DIAPH2: variants seen among roughly 807,000 people sequenced by gnomAD.
DIAPH2 encodes diaphanous related formin 2, also known as protein diaphanous homolog 2.
A neutral mutation model predicts 92.7 loss-of-function variants in DIAPH2; 35 were observed. The ratio of observed to expected loss-of-function variants is 0.38; its 90% CI spans 0.29 to 0.50. The LOEUF (loss-of-function observed/expected upper bound fraction) is 0.50, where lower values mean the gene tolerates loss of function less well. Among genes scored for constraint, DIAPH2 ranks in the 20% least tolerant of loss-of-function variants. The pLI is 0.94. For synonymous variants in DIAPH2, 301 were observed against 280.4 expected (o/e 1.07, Z -0.73); for missense variants, 701 against 819.5 (o/e 0.86, Z 1.77).
chrX:96,733,886 A>C (rs2064070880), intron 1 of DIAPH2, among the ~76,000 whole-genome samples: 2 of 111,834 alleles, frequency 1.8e-5, no homozygotes, highest in Non-Finnish European at 3.8e-5. Context: ...CCACTAACAA[A>C]TGTTACCCTC....
Position 97,348,285 on chromosome X carries a change from G to C in DIAPH2, c.3009+5G>C. Reference sequence around the variant, plus strand: ...AACTTCCGAACTTTGTTTTTGGTAAGTAATACATCTTAAAGCATTGCAAGA... The same window carrying C: ...AACTTCCGAACTTTGTTTTTGGTAACTAATACATCTTAAAGCATTGCAAGA... On this transcript the variant is annotated splice_donor_5th_base_variant and intron_variant, in intron 24 of 26. Transcript: ENST00000324765. The C allele has an allele frequency of 1.7e-6, 2 of 1,189,809 alleles. No homozygotes were observed. The highest frequency in any genetic ancestry group is 2.3e-6 in the Non-Finnish European group (2 of 884,134).
chrX:96,948,331 T>C (rs994713559), intron 14 of DIAPH2, among the ~76,000 whole-genome samples: 1 of 112,189 alleles, frequency 8.9e-6, no homozygotes, highest in African/African-American at 3.2e-5. Flanking sequence ...CCCAGCACTT[T>C]GGGAGGCCGA....
intron 1 of DIAPH2, among the ~76,000 whole-genome samples, chrX:96,699,908 G>A (rs868698777): frequency 8.9e-5 from 10 of 112,226 alleles, no homozygotes; most frequent in South Asian, 3.7e-4. Flanking sequence ...CATTTTCATC[G>A]TAGTGAGTTT....
intron 15 of DIAPH2, among the ~76,000 whole-genome samples, chrX:96,952,824 A>G (rs2065784913): frequency 9.0e-6 from 1 of 110,922 alleles, no homozygotes; most frequent in Non-Finnish European, 1.9e-5. Context: ...GAACATTTAT[A>G]TTAATAATGG....
intron 10 of DIAPH2, among the ~76,000 whole-genome samples, chrX:96,936,054 T>C (rs2065655282): frequency 8.9e-6 from 1 of 111,875 alleles, no homozygotes; most frequent in African/African-American, 3.2e-5. Flanking sequence ...TCATTCCATT[T>C]CAAACTGGAA....
intron 22 of DIAPH2, among the ~76,000 whole-genome samples, chrX:97,209,890 A>G (rs2067826710): frequency 9.0e-6 from 1 of 110,746 alleles, no homozygotes; most frequent in African/African-American, 3.3e-5. Context: ...TTTTATATTT[A>G]TAAGCATTTA....
chrX:97,239,203 A>G (rs186434608), intron 22 of DIAPH2, among the ~76,000 whole-genome samples: 73 of 111,907 alleles, frequency 6.5e-4, no homozygotes, highest in African/African-American at 2.3e-3. Flanking sequence ...GTTCTCTTAT[A>G]TACTGTGTAA....
intron 17 of DIAPH2, among the ~76,000 whole-genome samples, chrX:97,036,700 G>A (rs1391364362): frequency 5.4e-5 from 6 of 112,120 alleles, no homozygotes; most frequent in Non-Finnish European, 5.6e-5. Flanking sequence ...AAATGCACAT[G>A]ATTTTGTACA....
intron 22 of DIAPH2, among the ~76,000 whole-genome samples, chrX:97,228,095 C>G (rs1471935370): frequency 1.8e-5 from 2 of 110,892 alleles, no homozygotes; most frequent in Non-Finnish European, 3.8e-5. Context: ...GAGCCGAGCT[C>G]TCACTATATT....
intron 22 of DIAPH2, among the ~76,000 whole-genome samples, chrX:97,214,561 T>G (rs1024379808): frequency 3.6e-5 from 4 of 110,859 alleles, no homozygotes; most frequent in Non-Finnish European, 7.6e-5. Context: ...CTGGGCACGG[T>G]GGCTCATGCC....
chrX:97,512,311 T>C (rs1441715557), intron 26 of DIAPH2, among the ~76,000 whole-genome samples: 14 of 113,436 alleles, frequency 1.2e-4, no homozygotes, highest in African/African-American at 3.5e-4. Flanking sequence ...GTGTTTGTAG[T>C]ATTCTCTGAT....
chrX:96,791,685 G>A (rs1052264630), intron 4 of DIAPH2, among the ~76,000 whole-genome samples: 6 of 111,051 alleles, frequency 5.4e-5, no homozygotes, highest in Non-Finnish European at 9.4e-5. Context: ...GTAGAAGAGG[G>A]ATGATGCTGG....
intron 26 of DIAPH2, among the ~76,000 whole-genome samples, chrX:97,433,690 A>G (rs955416054): frequency 1.1e-4 from 12 of 111,761 alleles, no homozygotes; most frequent in African/African-American, 3.9e-4. Flanking sequence ...GCCCCTAAAT[A>G]TTCATTTATT....
intron 22 of DIAPH2, among the ~76,000 whole-genome samples, chrX:97,219,527 T>A (rs1356786221): frequency 8.9e-6 from 1 of 112,005 alleles, no homozygotes; most frequent in African/African-American, 3.2e-5. Context: ...TGTACCTATA[T>A]CCATTAAGTT....
intron 17 of DIAPH2, among the ~76,000 whole-genome samples, chrX:97,046,397 G>A (rs757750758): frequency 9.0e-6 from 1 of 111,075 alleles, no homozygotes; most frequent in Non-Finnish European, 1.9e-5. Context: ...TTATTTGCTG[G>A]TGGCATGATT....
Position 97,075,226 on chromosome X carries a change from G to T in DIAPH2, c.2212G>T (p.Val738Phe). The change falls in exon 19 of 27, where the codon GTT becomes TTT. Residue 738 changes from valine to phenylalanine, a missense_variant. Physicochemically the swap from Val to Phe is conservative, Grantham distance 50. This residue lies in a region of DIAPH2 where 536 missense variants were observed against 599.3 expected (regional missense o/e 0.89). Transcript: ENST00000324765. ...YEDIRNVILE[V>F]NEDMLSEALI... is the part of the protein sequence containing the mutation. ...AGACATAAGAAACGTTATTCTGGAG[G>T]TTAATGAAGACATGCTGAGTGAGGC... The T allele has an allele frequency of 8.4e-7, 1 of 1,188,116 alleles. No individual in the cohort carries two copies. The highest frequency in any genetic ancestry group is 1.8e-5 in the African/African-American group (1 of 56,799).
chrX:97,316,504 A>C (rs1231165735), intron 23 of DIAPH2, among the ~76,000 whole-genome samples: 1 of 107,943 alleles, frequency 9.3e-6, no homozygotes, highest in African/African-American at 3.4e-5. Flanking sequence ...AAAAAAAAAA[A>C]AACTAGCCGG....
At chrX:97,429,852 C>CTT in intron 26 of DIAPH2, 107 bp downstream of exon 26, 1 of 757,563 alleles carries the variant, frequency 1.3e-6, no homozygotes. Flanking sequence ...CTCATGAAGA[C>CTT]TTTTTTTAAC....
chrX:97,434,518 C>T (rs1011671381), intron 26 of DIAPH2, among the ~76,000 whole-genome samples: 2 of 108,650 alleles, frequency 1.8e-5, no homozygotes, highest in African/African-American at 6.7e-5. Context: ...AAGCAATTCT[C>T]ATGCCTCAGC....
Sources: gnomAD v4.1 joint callset for allele counts (sites outside exome capture counted in the v4.1 genomes callset) on GRCh38, gnomAD v4.1.1 for gene constraint, gnomAD v4.1.1 regional missense constraint, MANE v1.5 for transcripts, NCBI Gene and HGNC (gene_info 2026-07-23, HGNC 2026-07-21) for gene names.